Variants in MYO16 observed in about 807,000 individuals in gnomAD.
MYO16 encodes myosin XVI, also known as unconventional myosin-XVI.
Under a neutral mutation model 205.3 loss-of-function variants are expected in MYO16, and 94 were observed. The observed-to-expected ratio is 0.46, with a 90% CI of 0.39 to 0.54. MYO16 has a LOEUF of 0.54. Among genes scored for constraint, MYO16 ranks in the 20% least tolerant of loss-of-function variants. MYO16 has a pLI of 0.00. For synonymous variants in MYO16, 988 were observed against 954.0 expected (o/e 1.04, Z -0.66); for missense variants, 2,315 against 2,387.5 (o/e 0.97, Z 0.63).
In MYO16 at chr13:108,667,325, T is replaced by G. The variant is rs201950506; in HGVS notation, c.292+1176T>G. Among the ~76,000 whole-genome samples, 788 of 138,424 alleles carry G rather than the reference T, an allele frequency of 5.7e-3. 17 individuals are homozygous for G. Among genetic ancestry groups the G allele is most frequent in the African/African-American group, 0.02 (694 of 34,574 alleles). 90.8% of individuals were successfully genotyped at this position (138,424 alleles called of 152,430 possible). A position where few individuals can be genotyped will look rare whatever the true frequency, so the allele number is the denominator to read the frequency against. On this transcript the variant is annotated intron_variant, in intron 2 of 34. Coordinates refer to ENST00000457511, the MANE Select transcript of MYO16 (RefSeq NM_001198950.3). Reference sequence around the variant, plus strand: ...ATTCTGAGAATTTCTGTTTTGTTTTTTTTTTTTTTTTGTCTTAAACTGCAA... The same window carrying G: ...ATTCTGAGAATTTCTGTTTTGTTTTGTTTTTTTTTTTGTCTTAAACTGCAA...
intron 27 of MYO16, among the ~76,000 whole-genome samples, chr13:109,064,553 A>T (rs1199206792): frequency 6.6e-6 from 1 of 152,160 alleles, no homozygotes; most frequent in Non-Finnish European, 1.5e-5. Context: ...ATTGCATTTG[A>T]GTGTGGTTTA....
At chr13:108,689,352 A>C in intron 2 of MYO16, among the ~76,000 whole-genome samples, 1 of 152,266 alleles carries the variant, frequency 6.6e-6, no homozygotes, top group East Asian at 1.9e-4. Context: ...TAGCTACATT[A>C]AATAACTGTA....
chr13:108,711,753 G>C (rs1195186221), intron 2 of MYO16, among the ~76,000 whole-genome samples: 2 of 152,214 alleles, frequency 1.3e-5, no homozygotes, highest in Non-Finnish European at 2.9e-5. Flanking sequence ...TAAAGTTAAT[G>C]GGAAGACAGT....
At chr13:108,573,044 A>G in the MYO16 span, among the ~76,000 whole-genome samples, 1 of 152,232 alleles carries the variant, frequency 6.6e-6, no homozygotes, top group African/African-American at 2.4e-5. Flanking sequence ...GTCTAAGCGA[A>G]CATGCAGAAT....
At chr13:108,786,433 C>T (rs1886459285) in intron 5 of MYO16, among the ~76,000 whole-genome samples, 1 of 152,042 alleles carries the variant, frequency 6.6e-6, no homozygotes, top group South Asian at 2.1e-4. Flanking sequence ...TCCTTTTTTC[C>T]CCTGCTGTTT....
chr13:108,663,614 C>T (rs1288282404), intron 1 of MYO16, among the ~76,000 whole-genome samples: 1 of 152,136 alleles, frequency 6.6e-6, no homozygotes, highest in Non-Finnish European at 1.5e-5. Flanking sequence ...TTAAGAGCCA[C>T]CCTCTACATT....
chr13:108,666,252 T>C, intron 2 of MYO16, 103 bp downstream of exon 2: 10 of 1,282,070 alleles, frequency 7.8e-6, no homozygotes, highest in Non-Finnish European at 9.4e-6. Context: ...AGAAAAGTCC[T>C]TTTAAATATT....
chr13:108,950,415 G>C (rs893738264), intron 16 of MYO16, among the ~76,000 whole-genome samples: 1 of 152,060 alleles, frequency 6.6e-6, no homozygotes, highest in African/African-American at 2.4e-5. Flanking sequence ...ATGAATATAC[G>C]GATAGCACAT....
Position 108,883,126 on chromosome 13 carries a change from G to A in MYO16, c.1493G>A (p.Cys498Tyr), listed in dbSNP as rs555254548. The A allele has an allele frequency of 1.2e-6, 2 of 1,614,086 alleles. No individual in the cohort carries two copies. The highest frequency in any genetic ancestry group is 1.3e-5 in the African/African-American group (1 of 75,032). The change falls in exon 13 of 35, where the codon TGT (cysteine) becomes TAT (tyrosine). Residue 498 changes from cysteine to tyrosine, a missense_variant. Cys to Tyr is a radical substitution (Grantham distance 194). This residue lies in a region of MYO16 where 1,213 missense variants were observed against 1,274.4 expected (regional missense o/e 0.95). Coordinates refer to ENST00000457511, the MANE Select transcript of MYO16 (RefSeq NM_001198950.3). ...CSSLPPHLFS[C>Y]VERAFHQLFR... ...TCGCTGCCTCCTCACCTCTTCTCCT[G>A]TGTGGAGAGAGCCTTTCACCAGCTC...
intron 33 of MYO16, among the ~76,000 whole-genome samples, chr13:109,167,613 T>C (rs558322): frequency 0.28 from 43,229 of 152,012 alleles, 7,455 homozygotes; most frequent in East Asian, 0.53. Context: ...TACACCATAA[T>C]CAATCCAACG....
At chr13:109,020,639 C>T (rs1367577735) in intron 23 of MYO16, among the ~76,000 whole-genome samples, 1 of 152,164 alleles carries the variant, frequency 6.6e-6, no homozygotes, top group African/African-American at 2.4e-5. Flanking sequence ...ATCCAACTTT[C>T]AGTATTAAAT....
the MYO16 span, among the ~76,000 whole-genome samples, chr13:108,586,377 C>A: frequency 1.3e-5 from 2 of 152,028 alleles, no homozygotes; most frequent in African/African-American, 4.8e-5. Context: ...AACCTTCCCT[C>A]ATCTTTATAC....
At chr13:109,196,672 C>T (rs1880170632) in intron 34 of MYO16, among the ~76,000 whole-genome samples, 1 of 152,098 alleles carries the variant, frequency 6.6e-6, no homozygotes, top group Admixed American at 6.6e-5. Context: ...GCTGGCCCCA[C>T]CCTAAGGGCT....
At chr13:108,574,911 G>A in the MYO16 span, among the ~76,000 whole-genome samples, 1 of 152,000 alleles carries the variant, frequency 6.6e-6, no homozygotes, top group African/African-American at 2.4e-5. Flanking sequence ...ACACTCCAGT[G>A]TGACTAGTTC....
At chr13:108,496,731 C>T in the MYO16 span, among the ~76,000 whole-genome samples, 1 of 152,328 alleles carries the variant, frequency 6.6e-6, no homozygotes, top group East Asian at 1.9e-4. Flanking sequence ...ACATGTGGCT[C>T]AGATGTCTGT....
chr13:109,174,167 AATG>A (rs1879057755), intron 33 of MYO16, among the ~76,000 whole-genome samples: 1 of 152,180 alleles, frequency 6.6e-6, no homozygotes, highest in Non-Finnish European at 1.5e-5. Context: ...ATTTGAGGCA[AATG>A]ATGGGAGAAT....
intron 22 of MYO16, among the ~76,000 whole-genome samples, chr13:109,009,621 T>A (rs1373238480): frequency 1.3e-5 from 2 of 152,196 alleles, no homozygotes; most frequent in Non-Finnish European, 2.9e-5. Context: ...AAACAGCAAT[T>A]GCGATGTACT....
chr13:109,045,948 C>T (rs568677878), intron 23 of MYO16, among the ~76,000 whole-genome samples: 5 of 152,228 alleles, frequency 3.3e-5, no homozygotes, highest in African/African-American at 4.8e-5. Context: ...CTTATACTCC[C>T]GCATGGCCGA....
chr13:108,562,376 T>A, the MYO16 span, among the ~76,000 whole-genome samples: 6,664 of 152,190 alleles, frequency 0.044, 439 homozygotes, highest in African/African-American at 0.15. Flanking sequence ...GGGGTACGAA[T>A]ATTTAGTCCT....
Sources: gnomAD v4.1 joint callset for allele counts (sites outside exome capture counted in the v4.1 genomes callset) on GRCh38, gnomAD v4.1.1 for gene constraint, gnomAD v4.1.1 regional missense constraint, MANE v1.5 for transcripts, NCBI Gene and HGNC (gene_info 2026-07-23, HGNC 2026-07-21) for gene names.